CACNA2D3: variants seen among roughly 807,000 people sequenced by gnomAD.
CACNA2D3 encodes the protein voltage-dependent calcium channel subunit alpha-2/delta-3.
Under a neutral mutation model 160.6 loss-of-function variants are expected in CACNA2D3, and 60 were observed. The ratio of observed to expected loss-of-function variants is 0.37; its 90% CI spans 0.30 to 0.46. The LOEUF is 0.46. Among genes scored for constraint, CACNA2D3 ranks in the 20% least tolerant of loss-of-function variants. The pLI is 1.00. For missense variants in CACNA2D3, 1,205 were observed against 1,365.0 expected, an observed-to-expected ratio of 0.88 and a Z score of 1.85; for synonymous variants, 558 against 492.9, an observed-to-expected ratio of 1.13 and a Z score of -1.75.
chr3:54,416,636 TA>T (rs1332383562), intron 4 of CACNA2D3, among the ~76,000 whole-genome samples: 1 of 152,364 alleles, frequency 6.6e-6, no homozygotes, highest in Admixed American at 6.5e-5. Context: ...ATTATTGCCG[TA>T]AAATTCAAAC....
chr3:54,889,553 A>G (rs1233911206), intron 24 of CACNA2D3, among the ~76,000 whole-genome samples: 1 of 152,072 alleles, frequency 6.6e-6, no homozygotes, highest in Non-Finnish European at 1.5e-5. Context: ...AGACGGTGCT[A>G]TTTGCTAACA....
chr3:54,290,093 A>G (rs1703148712), intron 2 of CACNA2D3, among the ~76,000 whole-genome samples: 1 of 151,914 alleles, frequency 6.6e-6, no homozygotes, highest in Non-Finnish European at 1.5e-5. Context: ...CTGCACAGCA[A>G]AAGAAACTAC....
chr3:54,611,564 A>G (rs918431465), intron 9 of CACNA2D3, among the ~76,000 whole-genome samples: 3 of 152,160 alleles, frequency 2.0e-5, no homozygotes, highest in Non-Finnish European at 2.9e-5. Flanking sequence ...CATTTTGTTA[A>G]TTTAGTGTGC....
intron 3 of CACNA2D3, among the ~76,000 whole-genome samples, chr3:54,377,172 G>A (rs1487858264): frequency 6.6e-6 from 1 of 152,168 alleles, no homozygotes; most frequent in Non-Finnish European, 1.5e-5. Context: ...GCCATTCTGA[G>A]GACATCAGTC....
chr3:54,278,930 C>T (rs1488515226), intron 2 of CACNA2D3, among the ~76,000 whole-genome samples: 2 of 152,068 alleles, frequency 1.3e-5, no homozygotes, highest in Non-Finnish European at 2.9e-5. Flanking sequence ...ACGTGTATAC[C>T]TATGTAACAA....
intron 4 of CACNA2D3, among the ~76,000 whole-genome samples, chr3:54,406,183 T>G (rs772495420): frequency 9.2e-5 from 14 of 152,080 alleles, no homozygotes; most frequent in Non-Finnish European, 2.1e-4. Flanking sequence ...ACCCAGAAAT[T>G]GCTCTTCTGG....
At position 54,846,465 on chromosome 3, in the gene CACNA2D3, C is replaced by G. The variant is rs1346745222; in HGVS notation, c.1624C>G (p.Leu542Val). The G allele has an allele frequency of 1.3e-6, 2 of 1,584,088 alleles. No homozygotes were observed. The highest frequency in any genetic ancestry group is 1.7e-6 in the Non-Finnish European group (2 of 1,159,566). Residue 542 changes from leucine (L) to valine (V), a missense_variant and splice_region_variant, in exon 17 of 38, where the codon CTG (leucine) becomes GTG (valine). Coordinates refer to ENST00000474759, the MANE Select transcript of CACNA2D3 (RefSeq NM_018398.3). ...CCTGACGCATCCGGAACTCAGGCTG[C>G]TGGTAAGAGAAATTATGTACTTCTG... is the stretch of plus-strand genomic sequence containing the variant. ...YILTHPELRL[L>V]YEEGKKRRKP...
At chr3:54,811,490 T>TCA (rs1703315755) in intron 13 of CACNA2D3, among the ~76,000 whole-genome samples, 1 of 114,940 alleles carries the variant, frequency 8.7e-6, no homozygotes, top group African/African-American at 3.4e-5. Context: ...TTTTTTTTTT[T>TCA]TTTTTTTTTT....
At chr3:54,455,596 A>G (rs1293544065) in intron 4 of CACNA2D3, among the ~76,000 whole-genome samples, 2 of 151,798 alleles carry the variant, frequency 1.3e-5, no homozygotes, top group African/African-American at 2.4e-5. Context: ...CCATTTGTCT[A>G]TTTTTGCTTC....
At position 54,901,589 on chromosome 3, in the gene CACNA2D3, G is replaced by A. The variant is rs545304101; in HGVS notation, c.2449+1721G>A. On this transcript the variant is annotated intron_variant, in intron 27 of 37. Transcript: ENST00000474759. ...ACACAGTTTGGTCCACCCTGAGTGG[G>A]TGGAGAAGGCACCCTCCTATTTACT... is the stretch of plus-strand genomic sequence containing the variant. Among the ~76,000 whole-genome samples the A allele has an allele frequency of 1.7e-3, 258 of 152,302 alleles. 1 individual carries two copies. Among genetic ancestry groups the A allele is most frequent in the African/African-American group, 5.9e-3 (246 of 41,572 alleles).
chr3:54,174,736 A>G (rs1054465526), intron 2 of CACNA2D3, among the ~76,000 whole-genome samples: 16 of 152,180 alleles, frequency 1.1e-4, no homozygotes, highest in Non-Finnish European at 1.2e-4. Context: ...CGTGTTAGCC[A>G]GGATGGTTTC....
In CACNA2D3 at chr3:54,216,289, G is replaced by A. The variant is rs528204547; in HGVS notation, c.204+92695G>A. 2.6e-4 allele frequency among the ~76,000 whole-genome samples: 40 copies of A among 152,268 alleles called. 1 individual carries two copies. The highest frequency in any genetic ancestry group is 1.9e-3 in the South Asian group (9 of 4,820). On this transcript the variant is annotated intron_variant, in intron 2 of 37. Transcript: ENST00000474759. ...GTATTGTGAACTACCAAGCTTTTTG[G>A]TATCAATCTTCTTGCAATAATACAC...
chr3:54,956,174 T>G lies in CACNA2D3; in HGVS notation c.2450-12276T>G, dbSNP rs78495174. ...GCTGATCATATCTGCCACCCAGGTG[T>G]TTGACTTTGAAGTGGGTATCTCCCT... On this transcript the variant is annotated intron_variant, in intron 27 of 37. Transcript: ENST00000474759. 2.1e-3 allele frequency among the ~76,000 whole-genome samples: 313 copies of G among 152,286 alleles called. 3 individuals carry two copies. The East Asian group carries it at 0.05, about 24-fold the overall frequency.
intron 11 of CACNA2D3, among the ~76,000 whole-genome samples, chr3:54,650,840 A>G (rs1337507791): frequency 1.3e-5 from 2 of 152,122 alleles, no homozygotes; most frequent in African/African-American, 4.8e-5. Flanking sequence ...CTTATACCCC[A>G]ATTTATAAAC....
In CACNA2D3 at chr3:54,284,069, A is replaced by C. The variant is rs915471003; in HGVS notation, c.205-36373A>C. Among the ~76,000 whole-genome samples, 4 of 152,184 alleles carry C rather than the reference A, an allele frequency of 2.6e-5. No homozygotes were observed. In the East Asian group the frequency reaches 7.7e-4, roughly 29 times the overall value. On this transcript the variant is annotated intron_variant, in intron 2 of 37. Coordinates refer to ENST00000474759, the MANE Select transcript of CACNA2D3 (RefSeq NM_018398.3). ...ACAGTGAGACTCCATCTCAAAAAAC[A>C]AAAAACAAAAACAAAACAAAACTAC...
At chr3:54,893,680 A>G in intron 25 of CACNA2D3, among the ~76,000 whole-genome samples, 1 of 152,132 alleles carries the variant, frequency 6.6e-6, no homozygotes, top group South Asian at 2.1e-4. Flanking sequence ...ATTATCTCAT[A>G]CTATCATCAG....
chr3:54,615,743 CAG>C (rs904456599), intron 9 of CACNA2D3, among the ~76,000 whole-genome samples: 7 of 152,142 alleles, frequency 4.6e-5, no homozygotes, highest in African/African-American at 1.7e-4. Flanking sequence ...ATAGCTAAAA[CAG>C]GGGTCCCCAA....
chr3:54,718,607 A>G (rs1397090650), intron 11 of CACNA2D3, among the ~76,000 whole-genome samples: 2 of 152,042 alleles, frequency 1.3e-5, no homozygotes, highest in Admixed American at 1.3e-4. Flanking sequence ...ATCTGGTAGT[A>G]TAAGTCTTCC....
intron 2 of CACNA2D3, among the ~76,000 whole-genome samples, chr3:54,301,385 G>T (rs1055459003): frequency 6.6e-6 from 1 of 151,902 alleles, no homozygotes; most frequent in Non-Finnish European, 1.5e-5. Context: ...GATCACTTGA[G>T]CTGAGGAGTT....
Sources: allele counts gnomAD v4.1 joint callset (sites outside exome capture counted in the v4.1 genomes callset), GRCh38; gene constraint gnomAD v4.1.1; transcripts MANE v1.5; gene names NCBI Gene and HGNC (gene_info 2026-07-23, HGNC 2026-07-21).